The following IFT88 variants were observed in gnomAD, a reference collection of about 807,000 sequenced individuals.
The protein encoded by IFT88 is intraflagellar transport 88.
IFT88 carries 74 observed loss-of-function variants against 119.5 expected under a neutral mutation model. The ratio of observed to expected loss-of-function variants is 0.62; its 90% CI spans 0.51 to 0.75. IFT88 has a LOEUF of 0.75. Among genes scored for constraint, IFT88 ranks in the 30% least tolerant of loss-of-function variants. The pLI is 0.00. For missense variants in IFT88, 961 were observed against 977.7 expected (o/e 0.98, Z 0.23); for synonymous variants, 279 against 316.7 (o/e 0.88, Z 1.26).
At chr13:20,582,688 C>T (rs777908371) in intron 2 of IFT88, among the ~76,000 whole-genome samples, 3 of 152,028 alleles carry the variant, frequency 2.0e-5, no homozygotes, top group African/African-American at 4.8e-5. Context: ...TGTTTCAACC[C>T]GGCACTGTGA....
At chr13:20,589,892 T>C (rs2040367056) in intron 4 of IFT88, 25 bp downstream of exon 4, 4 of 1,423,888 alleles carry the variant, frequency 2.8e-6, no homozygotes, top group Non-Finnish European at 4.0e-6. Flanking sequence ...GCTGAAAATA[T>C]TAAGATGCTT....
rs564137255 is a variant in IFT88, at chr13:20,617,092, C to T, written c.1199+1213C>T. Among the ~76,000 whole-genome samples the T allele has an allele frequency of 1.5e-3, 235 of 152,076 alleles. 1 individual carries two copies. Among genetic ancestry groups the T allele is most frequent in the African/African-American group, 5.3e-3 (218 of 41,474 alleles). Reference sequence around the variant, plus strand: ...CCAAGTAGCTGGGACTACAGGCGCCCGCCACCAAGCCCAGCTAATTTTTTT... The same window carrying T: ...CCAAGTAGCTGGGACTACAGGCGCCTGCCACCAAGCCCAGCTAATTTTTTT... On this transcript the variant is annotated intron_variant, in intron 14 of 25. Coordinates refer to ENST00000351808, the MANE Select transcript of IFT88 (RefSeq NM_006531.5).
At chr13:20,600,800 A>C (rs2042464924) in intron 11 of IFT88, among the ~76,000 whole-genome samples, 1 of 152,226 alleles carries the variant, frequency 6.6e-6, no homozygotes, top group African/African-American at 2.4e-5. Flanking sequence ...ATCGTCACAA[A>C]GGCTTTTACA....
At chr13:20,640,930 G>T (rs2049839937) in intron 17 of IFT88, among the ~76,000 whole-genome samples, 5 of 152,288 alleles carry the variant, frequency 3.3e-5, no homozygotes, top group South Asian at 4.1e-4. Flanking sequence ...TGGATCGCTT[G>T]AGGCCAGGAG....
At chr13:20,612,802 C>G (rs911232867) in intron 13 of IFT88, among the ~76,000 whole-genome samples, 5 of 152,264 alleles carry the variant, frequency 3.3e-5, no homozygotes, top group Admixed American at 1.3e-4. Flanking sequence ...AAAACTCTTA[C>G]GTTTATAGCC....
chr13:20,683,645 A>T (rs2057568927), intron 24 of IFT88, among the ~76,000 whole-genome samples: 1 of 152,204 alleles, frequency 6.6e-6, no homozygotes, highest in Non-Finnish European at 1.5e-5. Flanking sequence ...GAAATGATGG[A>T]AATGTCCGCT....
intron 3 of IFT88, among the ~76,000 whole-genome samples, chr13:20,588,981 G>A (rs2040205796): frequency 6.6e-6 from 1 of 152,172 alleles, no homozygotes; most frequent in South Asian, 2.1e-4. Context: ...CAGGCTGTGA[G>A]TCTCAAAAGC....
Position 20,633,250 on chromosome 13 carries a change from A to G in IFT88, c.1386+2148A>G, listed in dbSNP as rs560715202. Among the ~76,000 whole-genome samples, 5 of 152,324 alleles carry G rather than the reference A, an allele frequency of 3.3e-5. No homozygotes were observed. The East Asian group carries it at 9.6e-4, about 29-fold the overall frequency. The stretch of plus-strand genomic sequence containing the variant: ...AATTGACTCACATTTTTGTATGGCT[A>G]GGGAAACCTCAGGAAACTTATAATC... On this transcript the variant is annotated intron_variant, in intron 16 of 25. Transcript: ENST00000351808.
chr13:20,648,066 A>C (rs548990753), intron 20 of IFT88, among the ~76,000 whole-genome samples: 1 of 152,138 alleles, frequency 6.6e-6, no homozygotes, highest in Non-Finnish European at 1.5e-5. Context: ...TTAAAAGCAA[A>C]CAAACAAACA....
chr13:20,638,331 G>A lies in IFT88; in HGVS notation c.1387-1G>A. ...ATAATTTGTATATGTATTTTACTTA[G>A]GGAAAGGATTTTGCACAAGCCAGCA... On this transcript the variant is annotated splice_acceptor_variant, in intron 16 of 25. Transcript: ENST00000351808. LOFTEE classifies it high-confidence loss of function. 1 of 1,335,530 alleles carries A rather than the reference G, an allele frequency of 7.5e-7. No individual in the cohort carries two copies. The highest frequency in any genetic ancestry group is 9.7e-7 in the Non-Finnish European group (1 of 1,031,550). 82.7% of individuals were successfully genotyped at this position (1,335,530 alleles called of 1,614,324 possible).
At chr13:20,617,999 T>A (rs569842951) in intron 14 of IFT88, among the ~76,000 whole-genome samples, 19 of 152,290 alleles carry the variant, frequency 1.2e-4, no homozygotes, top group South Asian at 1.0e-3. Context: ...TTGGCTGGGC[T>A]GGTCTCGAAC....
At chr13:20,641,683 T>C (rs1295531174) in intron 18 of IFT88, 8 of 227,432 alleles carry the variant, frequency 3.5e-5, no homozygotes, top group African/African-American at 1.4e-4. Context: ...AAGCCATTCA[T>C]TGAAAGTCAA....
intron 12 of IFT88, among the ~76,000 whole-genome samples, chr13:20,603,934 C>G (rs2139212723): frequency 6.6e-6 from 1 of 152,156 alleles, no homozygotes; most frequent in South Asian, 2.1e-4. Flanking sequence ...GTGGTGTGCA[C>G]CTGTAGTCCC....
chr13:20,667,368 G>A lies in IFT88; in HGVS notation c.2176-3605G>A, dbSNP rs140109304. Among the ~76,000 whole-genome samples the A allele has an allele frequency of 2.9e-4, 44 of 152,160 alleles. No homozygotes were observed. The East Asian group carries it at 8.3e-3, about 29-fold the overall frequency. On this transcript the variant is annotated intron_variant, in intron 23 of 25. Coordinates refer to ENST00000351808, the MANE Select transcript of IFT88 (RefSeq NM_006531.5). The stretch of plus-strand genomic sequence containing the variant: ...CTAAAATGTACCCATGCCTGTGCTA[G>A]ATCTGAGGTGGGTTGCATGTCAGAT...
At chr13:20,675,891 G>A (rs1223050463) in intron 24 of IFT88, among the ~76,000 whole-genome samples, 2 of 152,230 alleles carry the variant, frequency 1.3e-5, no homozygotes, top group African/African-American at 4.8e-5. Context: ...CCCACACACT[G>A]TAGTTTGCTA....
intron 23 of IFT88, among the ~76,000 whole-genome samples, chr13:20,664,326 T>C (rs865924620): frequency 2.0e-5 from 3 of 152,218 alleles, no homozygotes; most frequent in South Asian, 4.1e-4. Context: ...GGAACTATTA[T>C]GGAAAGGAAG....
intron 15 of IFT88, among the ~76,000 whole-genome samples, chr13:20,628,383 C>T (rs116433513): frequency 0.012 from 1,860 of 152,268 alleles, 39 homozygotes; most frequent in African/African-American, 0.043. Flanking sequence ...TAGATGGCAT[C>T]AGCTGGGAAA....
chr13:20,567,235 C>T lies in IFT88; in HGVS notation c.-28C>T, dbSNP rs2034984978. On this transcript the variant is annotated 5_prime_UTR_variant, in exon 1 of 26. Coordinates refer to ENST00000351808, the MANE Select transcript of IFT88 (RefSeq NM_006531.5). ...GTCGTCCCTGGGCCCGAATAACTGTCGCCCGCTTCCCTCAGCGTGAGGTAG... is the reference window on the plus strand; with the variant it reads ...GTCGTCCCTGGGCCCGAATAACTGTTGCCCGCTTCCCTCAGCGTGAGGTAG... 6.6e-6 allele frequency: 1 copy of T among 152,274 alleles called. No homozygotes were observed. Among genetic ancestry groups the T allele is most frequent in the Non-Finnish European group, 1.5e-5 (1 of 68,082 alleles). 9.4% of individuals were successfully genotyped at this position (152,274 alleles called of 1,614,324 possible).
intron 15 of IFT88, among the ~76,000 whole-genome samples, chr13:20,627,040 AAT>A (rs1303602767): frequency 6.6e-6 from 1 of 152,220 alleles, no homozygotes; most frequent in Non-Finnish European, 1.5e-5. Context: ...TCTACTAAAG[AAT>A]ATGAGAGTAG....
Sources: allele counts gnomAD v4.1 joint callset (sites outside exome capture counted in the v4.1 genomes callset), GRCh38; gene constraint gnomAD v4.1.1; transcripts MANE v1.5; gene names NCBI Gene and HGNC (gene_info 2026-07-23, HGNC 2026-07-21).